The following HDX variants were observed in gnomAD, a reference collection of about 807,000 sequenced individuals.
HDX encodes the protein highly divergent homeobox, also known as chromosome X open reading frame 43.
Under a neutral mutation model 45.2 loss-of-function variants are expected in HDX, and 19 were observed. That is an observed-to-expected ratio of 0.42 (90% CI 0.29 to 0.62). The LOEUF (loss-of-function observed/expected upper bound fraction) is 0.62, where lower values mean the gene tolerates loss of function less well. Ranked by LOEUF, HDX falls within the 20% of genes least tolerant of loss-of-function variation. The pLI, the probability that HDX is intolerant of heterozygous loss-of-function variation, is 0.20. For missense variants in HDX, 532 were observed against 493.9 expected (o/e 1.08, Z -0.73); for synonymous variants, 188 against 172.8 (o/e 1.09, Z -0.69).
At chrX:84,372,361 T>C (rs957544362) in intron 5 of HDX, among the ~76,000 whole-genome samples, 5 of 111,889 alleles carry the variant, frequency 4.5e-5, no homozygotes, top group African/African-American at 1.6e-4. Flanking sequence ...TAAAATAACT[T>C]TTTGCATAGC....
intron 2 of HDX, among the ~76,000 whole-genome samples, chrX:84,476,216 TA>T (rs1017726377): frequency 9.0e-6 from 1 of 111,248 alleles, no homozygotes; most frequent in African/African-American, 3.3e-5. Context: ...AACTCTTCTT[TA>T]AAAATGATAA....
At chrX:84,363,668 T>G (rs1278469442) in intron 5 of HDX, among the ~76,000 whole-genome samples, 1 of 111,692 alleles carries the variant, frequency 9.0e-6, no homozygotes, top group East Asian at 2.8e-4. Context: ...ATATTTTTAC[T>G]AAGAAAATAA....
chrX:84,469,751 A>G (rs2040422049), intron 3 of HDX, among the ~76,000 whole-genome samples, 176 bp from the exon 4 acceptor site: 1 of 112,231 alleles, frequency 8.9e-6, no homozygotes, highest in African/African-American at 3.2e-5. Flanking sequence ...AAAGATGATC[A>G]GGGACTCACA....
At chrX:84,324,419 C>T (rs927723129) in intron 10 of HDX, among the ~76,000 whole-genome samples, 22 of 111,357 alleles carry the variant, frequency 2.0e-4, no homozygotes, top group African/African-American at 6.5e-4. Context: ...TTTTGGACTA[C>T]TATTCGTGTC....
At chrX:84,431,250 T>C (rs934235973) in intron 5 of HDX, among the ~76,000 whole-genome samples, 1 of 110,790 alleles carries the variant, frequency 9.0e-6, no homozygotes, top group Non-Finnish European at 1.9e-5. Flanking sequence ...TAGTCAACCA[T>C]TGATGGGCAC....
intron 5 of HDX, among the ~76,000 whole-genome samples, chrX:84,373,658 C>T (rs2037958716): frequency 9.0e-6 from 1 of 110,890 alleles, no homozygotes; most frequent in East Asian, 2.9e-4. Flanking sequence ...AGACAAAAAC[C>T]ACATGATTAT....
At chrX:84,467,879 T>C (rs2040382755) in intron 4 of HDX, among the ~76,000 whole-genome samples, 1 of 111,986 alleles carries the variant, frequency 8.9e-6, no homozygotes, top group South Asian at 3.7e-4. Flanking sequence ...GGTCTAAAAT[T>C]GCAATAATTC....
chrX:84,412,941 G>T (rs1040998306), intron 5 of HDX, among the ~76,000 whole-genome samples: 2 of 112,008 alleles, frequency 1.8e-5, no homozygotes, highest in Non-Finnish European at 3.8e-5. Flanking sequence ...CTATTCTGCC[G>T]TTAATACTTG....
intron 1 of HDX, among the ~76,000 whole-genome samples, chrX:84,496,883 G>A (rs1299085365): frequency 1.8e-5 from 2 of 111,148 alleles, no homozygotes; most frequent in African/African-American, 3.3e-5. Context: ...TTGCTTTGTT[G>A]AGAGGTGATA....
At chrX:84,354,934 T>C (rs34924931) in intron 6 of HDX, among the ~76,000 whole-genome samples, 1,066 of 6,866 alleles carry the variant, frequency 0.16, 3 homozygotes, top group Middle Eastern at 0.27. Flanking sequence ...CACACACATA[T>C]ATATATATAT....
Position 84,321,198 on chromosome X carries a change from T to G in HDX, c.*691A>C, listed in dbSNP as rs2036590576. On this transcript the variant is annotated 3_prime_UTR_variant, in exon 11 of 11. Coordinates refer to ENST00000373177, the MANE Select transcript of HDX (RefSeq NM_001177479.2). The stretch of plus-strand genomic sequence containing the variant: ...CCATCAAGACTAATTTTGACAACAT[T>G]TTGTTTCTGTACACTTCGTAATTTA... 9.0e-6 allele frequency: 1 copy of G among 110,790 alleles called. No homozygotes were observed. The highest frequency in any genetic ancestry group is 3.3e-5 in the African/African-American group (1 of 30,663). The allele number at this position is 110,790 out of a possible 1,213,427, so 9.1% of individuals were successfully genotyped here.
In HDX at chrX:84,321,682, A is replaced by G. The variant is rs780768523; in HGVS notation, c.*207T>C. 1.2e-5 allele frequency: 3 copies of G among 254,799 alleles called. No homozygotes were observed. In the South Asian group the frequency reaches 7.3e-4, roughly 62 times the overall value. The allele number at this position is 254,799 out of a possible 1,213,427, so 21.0% of individuals were successfully genotyped here. On this transcript the variant is annotated 3_prime_UTR_variant, in exon 11 of 11. Coordinates refer to ENST00000373177, the MANE Select transcript of HDX (RefSeq NM_001177479.2). ...TTCCAGAGTTCCATCAGTTAAAAAA[A>G]TACTCTCTCAAACAATGCTTTTAAA...
chrX:84,408,652 A>G (rs1414629459), intron 5 of HDX, among the ~76,000 whole-genome samples: 1 of 108,978 alleles, frequency 9.2e-6, no homozygotes, highest in African/African-American at 3.3e-5. Context: ...ATTTATTTAA[A>G]CATCATACCC....
chrX:84,329,232 G>T (rs905523908), intron 9 of HDX, among the ~76,000 whole-genome samples: 2 of 111,807 alleles, frequency 1.8e-5, no homozygotes, highest in African/African-American at 6.5e-5. Context: ...TGGCCAGCTC[G>T]CCCTTCCCAT....
chrX:84,380,589 TG>T (rs1287720619), intron 5 of HDX, among the ~76,000 whole-genome samples: 2 of 111,523 alleles, frequency 1.8e-5, no homozygotes, highest in Non-Finnish European at 3.8e-5. Context: ...TCAGTCAATG[TG>T]ATACATCACA....
intron 5 of HDX, among the ~76,000 whole-genome samples, chrX:84,424,483 A>C (rs780417830): frequency 9.0e-6 from 1 of 111,651 alleles, no homozygotes; most frequent in Admixed American, 9.5e-5. Flanking sequence ...AAGGAACCAC[A>C]AAAGACCCAG....
chrX:84,493,981 C>T (rs1306134941), intron 1 of HDX, among the ~76,000 whole-genome samples: 1 of 110,707 alleles, frequency 9.0e-6, no homozygotes, highest in African/African-American at 3.3e-5. Context: ...TAAATGTGTA[C>T]ACCTACTATG....
At chrX:84,387,858 G>T (rs938530306) in intron 5 of HDX, among the ~76,000 whole-genome samples, 1 of 111,601 alleles carries the variant, frequency 9.0e-6, no homozygotes, top group Admixed American at 9.5e-5. Context: ...TTTTGTGATG[G>T]TTGTTATGTA....
intron 6 of HDX, among the ~76,000 whole-genome samples, chrX:84,348,971 T>C (rs778831701): frequency 9.0e-6 from 1 of 111,629 alleles, no homozygotes; most frequent in African/African-American, 3.3e-5. Flanking sequence ...TCTCCAATAT[T>C]CACAGTGAGA....
Sources: allele counts gnomAD v4.1 joint callset (sites outside exome capture counted in the v4.1 genomes callset), GRCh38; gene constraint gnomAD v4.1.1; transcripts MANE v1.5; gene names NCBI Gene and HGNC (gene_info 2026-07-23, HGNC 2026-07-21).